The following TTC28 variants were observed in gnomAD, a reference collection of about 807,000 sequenced individuals.
TTC28 encodes the protein tetratricopeptide repeat domain 28, also known as tetratricopeptide repeat protein 28.
TTC28 carries 61 observed loss-of-function variants against 198.0 expected under a neutral mutation model. That is an observed-to-expected ratio of 0.31 (90% CI 0.25 to 0.38). TTC28 has a LOEUF of 0.38. Ranked by LOEUF, TTC28 falls within the 10% of genes least tolerant of loss-of-function variation. The pLI is 1.00. For synonymous variants in TTC28, 1,171 were observed against 1,297.8 expected (o/e 0.90, Z 2.10); for missense variants, 2,678 against 3,164.0 (o/e 0.85, Z 3.69).
chr22:28,483,063 A>G (rs1290535786), intron 2 of TTC28, among the ~76,000 whole-genome samples: 1 of 152,162 alleles, frequency 6.6e-6, no homozygotes, highest in Non-Finnish European at 1.5e-5. Context: ...ATTCTTCTGT[A>G]TATCTAAGAG....
Position 28,534,457 on chromosome 22 carries a change from T to G in TTC28, c.381+95095A>C, listed in dbSNP as rs2049219117. ...TGGAGAAATAGGAACACTTTTACAC[T>G]GTTGGTGGGACTGTAAACTAGTTCA... On this transcript the variant is annotated intron_variant, in intron 2 of 22. Transcript: ENST00000397906. Among the ~76,000 whole-genome samples the G allele has an allele frequency of 2.6e-5, 4 of 152,236 alleles. No individual in the cohort carries two copies. The South Asian group carries it at 8.3e-4, about 31-fold the overall frequency.
At chr22:28,613,413 A>C (rs909685902) in intron 2 of TTC28, among the ~76,000 whole-genome samples, 3 of 152,172 alleles carry the variant, frequency 2.0e-5, no homozygotes, top group African/African-American at 7.2e-5. Context: ...TATTCCAAAC[A>C]ATAGAAAAAG....
chr22:28,007,387 A>G (rs907705375), intron 14 of TTC28: 1 of 152,136 alleles, frequency 6.6e-6, no homozygotes, highest in African/African-American at 2.4e-5. Flanking sequence ...TCAGCCAGAA[A>G]TGGAAAAGCG....
intron 12 of TTC28, among the ~76,000 whole-genome samples, chr22:28,038,895 T>C (rs1939481746): frequency 6.6e-6 from 1 of 152,346 alleles, no homozygotes; most frequent in Admixed American, 6.5e-5. Context: ...AAGACATTTA[T>C]GTAGCCAACA....
At position 28,107,308 on chromosome 22, in the gene TTC28, T is replaced by C; in HGVS notation, c.2537A>G (p.Asn846Ser). The change falls in exon 7 of 23, where the codon AAC (asparagine) becomes AGC (serine). Residue 846 changes from asparagine (N) to serine (S), a missense_variant. By Grantham distance (46) the Asn-to-Ser change is conservative. This residue lies in a region of TTC28 where 775 missense variants were observed against 845.9 expected (regional missense o/e 0.92). Transcript: ENST00000397906. ...AATGGCTTCTTCCATCACATTCATG[T>C]TCATCTTTGTGATGCCCATGTTGCC... ...VYGNMGITKMNMNVMEEAIGY... is the reference protein window; with the variant it reads ...VYGNMGITKMSMNVMEEAIGY... The C allele has an allele frequency of 6.4e-7, 1 of 1,551,900 alleles. No homozygotes were observed. Among genetic ancestry groups the C allele is most frequent in the South Asian group, 1.2e-5 (1 of 84,062 alleles).
chr22:28,645,275 C>T (rs528094977), intron 1 of TTC28, among the ~76,000 whole-genome samples: 234 of 152,204 alleles, frequency 1.5e-3, no homozygotes, highest in Non-Finnish European at 3.1e-3. Context: ...ATATCCCTGA[C>T]GAACACAGAT....
At chr22:28,654,470 G>C (rs961357076) in intron 1 of TTC28, among the ~76,000 whole-genome samples, 1 of 152,166 alleles carries the variant, frequency 6.6e-6, no homozygotes, top group African/African-American at 2.4e-5. Context: ...CGGGATTACA[G>C]GTGCCCGCCA....
chr22:28,507,901 G>GA (rs2048634711), intron 2 of TTC28, among the ~76,000 whole-genome samples: 1 of 152,136 alleles, frequency 6.6e-6, no homozygotes, highest in African/African-American at 2.4e-5. Flanking sequence ...AAGAGCTCCT[G>GA]AAGGAAGCAC....
intron 2 of TTC28, among the ~76,000 whole-genome samples, chr22:28,334,537 A>T (rs540961831): frequency 4.0e-5 from 6 of 151,896 alleles, no homozygotes; most frequent in Admixed American, 1.3e-4. Context: ...TTTTAATGAT[A>T]CCCATTCTAA....
chr22:28,537,501 T>A, intron 2 of TTC28, among the ~76,000 whole-genome samples: 1 of 151,736 alleles, frequency 6.6e-6, no homozygotes, highest in East Asian at 1.9e-4. Context: ...ACAAAAAAAA[T>A]TCCAGATTGA....
chr22:28,014,162 G>T, intron 14 of TTC28, 86 bp downstream of exon 14: 1 of 1,424,652 alleles, frequency 7.0e-7, no homozygotes, highest in Non-Finnish European at 9.3e-7. Context: ...GCCCATTTTG[G>T]TGTCTAAGAG....
chr22:28,107,290 T>C lies in TTC28; in HGVS notation c.2555A>G (p.Glu852Gly). The change falls in exon 7 of 23, where the codon GAA becomes GGA. Residue 852 changes from glutamate (E) to glycine (G), a missense_variant. By Grantham distance (98) the Glu-to-Gly change is moderately conservative. Coordinates refer to ENST00000397906, the MANE Select transcript of TTC28 (RefSeq NM_001145418.2). ...ITKMNMNVME[E>G]AIGYFEQQLA... ...TTGCTGCTCAAAGTAGCCAATGGCT[T>C]CTTCCATCACATTCATGTTCATCTT... is the stretch of plus-strand genomic sequence containing the variant. The C allele has an allele frequency of 6.4e-7, 1 of 1,551,866 alleles. No individual in the cohort carries two copies. The highest frequency in any genetic ancestry group is 1.2e-5 in the South Asian group (1 of 84,056).
At chr22:28,277,207 T>C (rs1436582439) in intron 5 of TTC28, among the ~76,000 whole-genome samples, 1 of 152,218 alleles carries the variant, frequency 6.6e-6, no homozygotes, top group Non-Finnish European at 1.5e-5. Flanking sequence ...GAATATGTAT[T>C]ATGAAATAAA....
intron 2 of TTC28, among the ~76,000 whole-genome samples, chr22:28,418,687 GA>G (rs1321621723): frequency 2.0e-5 from 3 of 152,228 alleles, no homozygotes; most frequent in Admixed American, 1.3e-4. Flanking sequence ...ATAACCTTGA[GA>G]TTTTTTTAGT....
intron 1 of TTC28, among the ~76,000 whole-genome samples, chr22:28,642,712 G>A (rs2051389070): frequency 6.6e-6 from 1 of 152,192 alleles, no homozygotes; most frequent in Non-Finnish European, 1.5e-5. Context: ...ACAGCAAAGA[G>A]GTCAGTGTGA....
intron 5 of TTC28, among the ~76,000 whole-genome samples, chr22:28,240,753 TGC>T (rs1929602624): frequency 1.3e-5 from 2 of 152,138 alleles, no homozygotes; most frequent in African/African-American, 4.8e-5. Context: ...AACATCTTGC[TGC>T]ACCAGAAAGT....
At chr22:28,357,209 C>A (rs1261610983) in intron 2 of TTC28, among the ~76,000 whole-genome samples, 2 of 152,060 alleles carry the variant, frequency 1.3e-5, no homozygotes, top group East Asian at 3.8e-4. Context: ...CTATAATGTA[C>A]CTCCCCAAAT....
At chr22:28,678,060 G>A (rs986858651) in intron 1 of TTC28, among the ~76,000 whole-genome samples, 2 of 152,050 alleles carry the variant, frequency 1.3e-5, no homozygotes, top group African/African-American at 4.8e-5. Flanking sequence ...TATTTGCTTT[G>A]TCATAAATGT....
chr22:28,181,649 A>G (rs1028291176), intron 5 of TTC28, among the ~76,000 whole-genome samples: 1 of 152,200 alleles, frequency 6.6e-6, no homozygotes, highest in Non-Finnish European at 1.5e-5. Flanking sequence ...CTCCTGAAGG[A>G]CTATAAATGG....
Sources: gnomAD v4.1 joint callset for allele counts (sites outside exome capture counted in the v4.1 genomes callset) on GRCh38, gnomAD v4.1.1 for gene constraint, gnomAD v4.1.1 regional missense constraint, MANE v1.5 for transcripts, NCBI Gene and HGNC (gene_info 2026-07-23, HGNC 2026-07-21) for gene names.